TUSC3: variants seen among roughly 807,000 people sequenced by gnomAD.
TUSC3 encodes dolichyl-diphosphooligosaccharide--protein glycosyltransferase subunit TUSC3.
A neutral mutation model predicts 44.8 loss-of-function variants in TUSC3; 45 were observed. That is an observed-to-expected ratio of 1.00 (90% CI 0.79 to 1.29). The LOEUF is 1.29. TUSC3 is among the 50% of genes most tolerant of loss of function. The pLI is 0.00. For synonymous variants in TUSC3, 212 were observed against 152.9 expected (o/e 1.39, Z -2.85); for missense variants, 519 against 437.9 (o/e 1.19, Z -1.65).
chr8:15,460,712 G>A (rs1800334020), intron 1 of TUSC3, among the ~76,000 whole-genome samples: 1 of 152,154 alleles, frequency 6.6e-6, no homozygotes, highest in Non-Finnish European at 1.5e-5. Flanking sequence ...TGTGTAAGAT[G>A]AGAGATGAGG....
chr8:15,542,485 G>A (rs998187189), intron 1 of TUSC3, among the ~76,000 whole-genome samples: 1 of 151,888 alleles, frequency 6.6e-6, no homozygotes. Context: ...TTTGGGATAT[G>A]CCCTCGGTGG....
chr8:15,679,110 A>G (rs1277750389), intron 6 of TUSC3, among the ~76,000 whole-genome samples: 2 of 152,062 alleles, frequency 1.3e-5, no homozygotes, highest in Non-Finnish European at 2.9e-5. Context: ...ATTTTCTTTT[A>G]TGTATATACC....
chr8:15,575,701 A>C (rs1019555930), intron 1 of TUSC3, among the ~76,000 whole-genome samples: 1 of 152,138 alleles, frequency 6.6e-6, no homozygotes, highest in Non-Finnish European at 1.5e-5. Flanking sequence ...CAGGAGGTGG[A>C]GGTTGCAGTC....
intron 2 of TUSC3, among the ~76,000 whole-genome samples, chr8:15,628,768 G>T (rs943991334): frequency 1.1e-4 from 17 of 152,214 alleles, no homozygotes; most frequent in African/African-American, 3.4e-4. Context: ...TGAAGAGTCT[G>T]TAGAATTAAA....
At chr8:15,830,155 TTC>T in the TUSC3 span, among the ~76,000 whole-genome samples, 1 of 152,120 alleles carries the variant, frequency 6.6e-6, no homozygotes, top group African/African-American at 2.4e-5. Flanking sequence ...GGTTTTTTTT[TTC>T]CTGTTGTTAG....
At chr8:15,584,759 A>C (rs1189241880) in intron 1 of TUSC3, among the ~76,000 whole-genome samples, 2 of 152,152 alleles carry the variant, frequency 1.3e-5, no homozygotes, top group East Asian at 1.9e-4. Context: ...AACAGGATTC[A>C]TTGACACAGG....
chr8:15,462,566 G>A (rs1165021900), intron 1 of TUSC3, among the ~76,000 whole-genome samples: 3 of 152,040 alleles, frequency 2.0e-5, no homozygotes, highest in African/African-American at 7.2e-5. Context: ...AATTTGGGAA[G>A]CTTTCCTGCC....
chr8:15,450,753 A>C (rs1030702455), intron 1 of TUSC3, among the ~76,000 whole-genome samples: 1 of 152,222 alleles, frequency 6.6e-6, no homozygotes, highest in Non-Finnish European at 1.5e-5. Flanking sequence ...AGTTCTACTA[A>C]TCAGAGATCT....
chr8:15,801,898 G>C, the TUSC3 span, among the ~76,000 whole-genome samples: 1 of 152,184 alleles, frequency 6.6e-6, no homozygotes, highest in Non-Finnish European at 1.5e-5. Flanking sequence ...TGGGAGAGAG[G>C]ATTCAGAAAT....
chr8:15,587,860 T>C (rs977586699), intron 1 of TUSC3, among the ~76,000 whole-genome samples: 1 of 152,120 alleles, frequency 6.6e-6, no homozygotes, highest in Non-Finnish European at 1.5e-5. Flanking sequence ...AAGATAATAT[T>C]CTCTGGGCTC....
intron 1 of TUSC3, among the ~76,000 whole-genome samples, chr8:15,610,564 G>A (rs1804715031): frequency 6.6e-6 from 1 of 152,112 alleles, no homozygotes; most frequent in African/African-American, 2.4e-5. Flanking sequence ...TTGTTATACT[G>A]ATTTTATATA....
intron 1 of TUSC3, among the ~76,000 whole-genome samples, chr8:15,573,370 T>C (rs931661518): frequency 6.6e-6 from 1 of 151,706 alleles, no homozygotes; most frequent in African/African-American, 2.4e-5. Context: ...GGCTTGTTTG[T>C]GTCAGGCAGT....
At chr8:15,480,702 G>A (rs1800646752) in intron 1 of TUSC3, among the ~76,000 whole-genome samples, 1 of 152,134 alleles carries the variant, frequency 6.6e-6, no homozygotes, top group Admixed American at 6.5e-5. Flanking sequence ...CATCCTTGGT[G>A]TCTCTCTGAA....
intron 1 of TUSC3, among the ~76,000 whole-genome samples, chr8:15,426,643 G>C (rs1394093987): frequency 6.6e-6 from 1 of 152,154 alleles, no homozygotes; most frequent in Non-Finnish European, 1.5e-5. Flanking sequence ...TCTGTCAATG[G>C]ACACTTGGGT....
At chr8:15,528,733 T>A (rs6530886) in intron 2 of TUSC3, among the ~76,000 whole-genome samples, 136,299 of 152,142 alleles carry the variant, frequency 0.9, 61,489 homozygotes, top group South Asian at 0.96. Context: ...TAATTTTTTT[T>A]AAATTGCTAC....
chr8:15,582,772 C>T (rs148499894), intron 1 of TUSC3, among the ~76,000 whole-genome samples: 3 of 152,166 alleles, frequency 2.0e-5, no homozygotes, highest in South Asian at 2.1e-4. Context: ...TGCCTCAACT[C>T]GAAGATTAGT....
chr8:15,444,540 C>T (rs972473657), intron 1 of TUSC3, among the ~76,000 whole-genome samples: 1 of 152,034 alleles, frequency 6.6e-6, no homozygotes, highest in Non-Finnish European at 1.5e-5. Context: ...AGATGACGAA[C>T]CTGATCAGAT....
intron 1 of TUSC3, among the ~76,000 whole-genome samples, chr8:15,481,605 G>C (rs1800662194): frequency 6.6e-6 from 1 of 152,146 alleles, no homozygotes; most frequent in Non-Finnish European, 1.5e-5. Flanking sequence ...TCACAGTAAA[G>C]CAGGTCACAT....
At chr8:15,586,305 GA>G (rs1803600383) in intron 1 of TUSC3, among the ~76,000 whole-genome samples, 1 of 152,102 alleles carries the variant, frequency 6.6e-6, no homozygotes, top group African/African-American at 2.4e-5. Context: ...CATTAGTGGG[GA>G]AAAACACCGT....
Sources: allele counts gnomAD v4.1 joint callset (sites outside exome capture counted in the v4.1 genomes callset), GRCh38; gene constraint gnomAD v4.1.1; transcripts MANE v1.5; gene names NCBI Gene and HGNC (gene_info 2026-07-23, HGNC 2026-07-21).